Variants in EIF2S3 observed in about 807,000 individuals in gnomAD.
EIF2S3 encodes eukaryotic translation initiation factor 2 subunit 3.
Under a neutral mutation model 31.7 loss-of-function variants are expected in EIF2S3, and 2 were observed. The observed-to-expected ratio is 0.06, with a 90% CI of 0.03 to 0.20. EIF2S3 has a LOEUF of 0.20. Ranked by LOEUF, EIF2S3 falls within the 10% of genes least tolerant of loss-of-function variation. The pLI is 1.00. For synonymous variants in EIF2S3, 120 were observed against 126.7 expected (o/e 0.95, Z 0.36); for missense variants, 96 against 359.3 (o/e 0.27, Z 5.92).
chrX:24,074,044 G>A (rs1328632388), intron 11 of EIF2S3, among the ~76,000 whole-genome samples: 1 of 112,088 alleles, frequency 8.9e-6, no homozygotes, highest in African/African-American at 3.2e-5. Context: ...TAACCACTTA[G>A]AAATTTAACA....
At chrX:24,075,726 A>C (rs929430972) in intron 11 of EIF2S3, among the ~76,000 whole-genome samples, 3 of 110,209 alleles carry the variant, frequency 2.7e-5, no homozygotes, top group African/African-American at 9.9e-5. Context: ...CCCACTATCT[A>C]CTTCCTTAAT....
At chrX:24,056,714 CTG>C (rs755683441) in intron 2 of EIF2S3, among the ~76,000 whole-genome samples, 10 of 111,246 alleles carry the variant, frequency 9.0e-5, no homozygotes, top group African/African-American at 3.3e-4. Context: ...AAAAAATTAG[CTG>C]TGCGTGGTGG....
At chrX:24,073,701 C>A (rs1231181041) in intron 11 of EIF2S3, among the ~76,000 whole-genome samples, 1 of 112,144 alleles carries the variant, frequency 8.9e-6, no homozygotes, top group Non-Finnish European at 1.9e-5. Context: ...TCAGAAAAAA[C>A]TACAACCTTG....
chrX:24,066,755 C>T (rs142032042), intron 8 of EIF2S3, among the ~76,000 whole-genome samples: 8 of 111,708 alleles, frequency 7.2e-5, no homozygotes, highest in Non-Finnish European at 1.5e-4. Flanking sequence ...CTCAAGTGAT[C>T]CACCCGCCTC....
chrX:24,063,406 T>G lies in EIF2S3; in HGVS notation c.638-795T>G, dbSNP rs143983110. On this transcript the variant is annotated intron_variant, in intron 6 of 11. Coordinates refer to ENST00000253039, the MANE Select transcript of EIF2S3 (RefSeq NM_001415.4). The stretch of plus-strand genomic sequence containing the variant: ...AACTCAGTTCTGTCATCACGAGAAG[T>G]AATAAGTGAATTTGATTAAAGTCTA... Among the ~76,000 whole-genome samples the G allele has an allele frequency of 5.3e-3, 597 of 112,317 alleles. 4 individuals are homozygous for G. The highest frequency in any genetic ancestry group is 0.018 in the African/African-American group (567 of 30,972).
chrX:24,076,659 T>C (rs1187599995), intron 11 of EIF2S3, 63 bp from the exon 12 acceptor site: 1 of 1,074,395 alleles, frequency 9.3e-7, no homozygotes, highest in Non-Finnish European at 1.3e-6. Flanking sequence ...TATCACAAGA[T>C]TGTGTGGTAA....
In EIF2S3 at chrX:24,060,069, G is replaced by T. The variant is rs764616920; in HGVS notation, c.384-19G>T. The T allele has an allele frequency of 2.6e-6, 3 of 1,160,193 alleles. No homozygotes were observed. In the African/African-American group the frequency reaches 5.3e-5, roughly 21 times the overall value. On this transcript the variant is annotated intron_variant, in intron 4 of 11. Transcript: ENST00000253039. ...GTAGTGATTTATGTTAAGGCTGATT[G>T]TTATTTCTCAATCATTAGACATGTT...
At position 24,076,928 on chromosome X, in the gene EIF2S3, T is replaced by A; in HGVS notation, c.*143T>A. On this transcript the variant is annotated 3_prime_UTR_variant, in exon 12 of 12. Coordinates refer to ENST00000253039, the MANE Select transcript of EIF2S3 (RefSeq NM_001415.4). ...GTAGGTAACGGTAAGGTTATTCTCT[T>A]TTTTTTTTTTTTTTTTTTTGGTTAT... 4.6e-5 allele frequency: 8 copies of A among 172,609 alleles called. No individual in the cohort carries two copies. Among genetic ancestry groups the A allele is most frequent in the East Asian group, 2.0e-4 (1 of 5,072 alleles). 14.2% of individuals were successfully genotyped at this position (172,609 alleles called of 1,213,427 possible).
At position 24,077,588 on chromosome X, in the gene EIF2S3, T is replaced by C. The variant is rs906386831; in HGVS notation, c.*803T>C. 4 of 112,332 alleles carry C rather than the reference T, an allele frequency of 3.6e-5. No homozygotes were observed. The highest frequency in any genetic ancestry group is 9.5e-5 in the Admixed American group (1 of 10,516). The allele number at this position is 112,332 out of a possible 1,213,427, so 9.3% of individuals were successfully genotyped here. A position where few individuals can be genotyped will look rare whatever the true frequency, so the allele number is the denominator to read the frequency against. On this transcript the variant is annotated 3_prime_UTR_variant, in exon 12 of 12. Coordinates refer to ENST00000253039, the MANE Select transcript of EIF2S3 (RefSeq NM_001415.4). Reference sequence around the variant, plus strand: ...TGGCCCCATATTTTATGTTGCTTTATCTTTGAAATTTTGCATGAAAAGGAA... The same window carrying C: ...TGGCCCCATATTTTATGTTGCTTTACCTTTGAAATTTTGCATGAAAAGGAA...
At chrX:24,071,967 C>T (rs921136168) in intron 10 of EIF2S3, among the ~76,000 whole-genome samples, 3 of 108,325 alleles carry the variant, frequency 2.8e-5, no homozygotes, top group Non-Finnish European at 5.7e-5. Flanking sequence ...CCTCCACCTC[C>T]TGGGTTCAAG....
At chrX:24,076,298 G>A (rs1930751945) in intron 11 of EIF2S3, among the ~76,000 whole-genome samples, 1 of 111,342 alleles carries the variant, frequency 9.0e-6, no homozygotes, top group East Asian at 2.8e-4. Context: ...TTGTGAGGCC[G>A]AGGTGGGCGG....
At chrX:24,068,879 T>G (rs765156901) in intron 9 of EIF2S3, among the ~76,000 whole-genome samples, 1 of 111,761 alleles carries the variant, frequency 8.9e-6, no homozygotes, top group Non-Finnish European at 1.9e-5. Flanking sequence ...CTGAAGTGAT[T>G]TAAAAACTTT....
chrX:24,070,735 C>T (rs189253565), intron 9 of EIF2S3, among the ~76,000 whole-genome samples: 1 of 111,391 alleles, frequency 9.0e-6, no homozygotes, highest in African/African-American at 3.3e-5. Context: ...CTGCGCCTGG[C>T]CCATATGTAG....
intron 11 of EIF2S3, 50 bp from the exon 12 acceptor site, chrX:24,076,670 TGA>T (rs1261476790): frequency 4.5e-6 from 5 of 1,116,749 alleles, no homozygotes; most frequent in Middle Eastern, 2.4e-4. Context: ...TGTGTGGTAA[TGA>T]GAGTGAAGTG....
chrX:24,059,229 TATG>T (rs1358883617), intron 4 of EIF2S3, among the ~76,000 whole-genome samples: 1 of 111,478 alleles, frequency 9.0e-6, no homozygotes, highest in East Asian at 2.8e-4. Context: ...TGTAAATAGG[TATG>T]GTGGTGGGCC....
intron 8 of EIF2S3, 43 bp downstream of exon 8, chrX:24,066,135 TTG>T (rs1240965627): frequency 3.4e-5 from 32 of 952,327 alleles, no homozygotes; most frequent in Non-Finnish European, 4.3e-5. Flanking sequence ...TTTTTTTTTT[TTG>T]TTGTTTGTTT....
intron 4 of EIF2S3, 100 bp downstream of exon 4, chrX:24,057,854 T>C: frequency 1.1e-6 from 1 of 930,008 alleles, no homozygotes; most frequent in Non-Finnish European, 1.4e-6. Flanking sequence ...ACCTAATGGC[T>C]AAATGGTTTT....
chrX:24,076,955 A>G lies in EIF2S3; in HGVS notation c.*170A>G, dbSNP rs764546995. 6.2e-6 allele frequency: 2 copies of G among 320,095 alleles called. No individual in the cohort carries two copies. The highest frequency in any genetic ancestry group is 9.9e-5 in the East Asian group (2 of 20,155). The allele number at this position is 320,095 out of a possible 1,213,427, so 26.4% of individuals were successfully genotyped here. A position where few individuals can be genotyped will look rare whatever the true frequency, so the allele number is the denominator to read the frequency against. On this transcript the variant is annotated 3_prime_UTR_variant, in exon 12 of 12. Transcript: ENST00000253039. ...TTTTTTTTTTTTTTTTTTGGTTATG[A>G]AAACTTAGGGACTAAAATTAATATA...
intron 11 of EIF2S3, 32 bp from the exon 12 acceptor site, chrX:24,076,690 G>C (rs1316830999): frequency 2.1e-5 from 25 of 1,180,772 alleles, no homozygotes; most frequent in Non-Finnish European, 2.7e-5. Context: ...GTGGATGTAA[G>C]ATTTATGATT....
Sources: gnomAD v4.1 joint callset for allele counts (sites outside exome capture counted in the v4.1 genomes callset) on GRCh38, gnomAD v4.1.1 for gene constraint, MANE v1.5 for transcripts, NCBI Gene and HGNC (gene_info 2026-07-23, HGNC 2026-07-21) for gene names.